The following FHIT variants were observed in gnomAD, a reference collection of about 807,000 sequenced individuals.
The protein encoded by FHIT is bis(5'-adenosyl)-triphosphatase.
In FHIT, 19 loss-of-function variants were observed where a neutral mutation model predicts 17.9. The ratio of observed to expected loss-of-function variants is 1.06; its 90% CI spans 0.74 to 1.56. The LOEUF (loss-of-function observed/expected upper bound fraction) is 1.56. Among genes scored for constraint, FHIT ranks in the 40% most tolerant of loss-of-function variants. The pLI is 0.00. For synonymous variants in FHIT, 81 were observed against 69.7 expected, an observed-to-expected ratio of 1.16 and a Z score of -0.81; for missense variants, 248 against 189.2, an observed-to-expected ratio of 1.31 and a Z score of -1.82.
intron 8 of FHIT, among the ~76,000 whole-genome samples, chr3:59,911,162 T>C (rs926993735): frequency 3.9e-5 from 6 of 152,236 alleles, no homozygotes; most frequent in African/African-American, 1.4e-4. Context: ...ACTCATTTGA[T>C]GGCTACATAG....
chr3:60,002,436 T>C (rs574503636), intron 7 of FHIT, among the ~76,000 whole-genome samples: 2 of 152,258 alleles, frequency 1.3e-5, no homozygotes, highest in African/African-American at 2.4e-5. Flanking sequence ...AACGGATCTA[T>C]TAGACAATAA....
At chr3:60,139,363 G>C (rs538017215) in intron 5 of FHIT, among the ~76,000 whole-genome samples, 2 of 143,342 alleles carry the variant, frequency 1.4e-5, no homozygotes, top group Non-Finnish European at 3.0e-5. Context: ...AAACATGACA[G>C]ACTAATTTAA....
intron 4 of FHIT, among the ~76,000 whole-genome samples, chr3:60,776,225 C>G (rs967799247): frequency 3.3e-5 from 5 of 152,166 alleles, no homozygotes; most frequent in African/African-American, 1.2e-4. Context: ...GATTCAATGT[C>G]TGCATGTTTT....
At chr3:60,493,085 G>A (rs1249824529) in intron 5 of FHIT, among the ~76,000 whole-genome samples, 3 of 152,142 alleles carry the variant, frequency 2.0e-5, no homozygotes, top group Non-Finnish European at 4.4e-5. Flanking sequence ...AGAGAAAATG[G>A]TTCTTACTTG....
intron 4 of FHIT, among the ~76,000 whole-genome samples, chr3:60,548,361 T>A (rs2107619219): frequency 6.6e-6 from 1 of 152,264 alleles, no homozygotes; most frequent in African/African-American, 2.4e-5. Flanking sequence ...TATCTGTCAT[T>A]TTCATATTAT....
intron 3 of FHIT, among the ~76,000 whole-genome samples, chr3:60,872,978 G>A (rs559602146): frequency 9.2e-5 from 14 of 152,088 alleles, no homozygotes; most frequent in East Asian, 7.7e-4. Context: ...CCTGTGCACC[G>A]GACACTCCTG....
intron 5 of FHIT, among the ~76,000 whole-genome samples, chr3:60,157,753 G>C (rs1402072649): frequency 1.3e-5 from 2 of 152,160 alleles, no homozygotes; most frequent in Non-Finnish European, 2.9e-5. Context: ...TGTTGCAAAG[G>C]AGTCTCAGGA....
chr3:61,037,477 T>C (rs1396333064), intron 3 of FHIT, among the ~76,000 whole-genome samples: 1 of 152,234 alleles, frequency 6.6e-6, no homozygotes, highest in Non-Finnish European at 1.5e-5. Flanking sequence ...TTAACAATTA[T>C]GTGTTTAATT....
chr3:60,296,308 G>A (rs771391884), intron 5 of FHIT, among the ~76,000 whole-genome samples: 14 of 152,032 alleles, frequency 9.2e-5, no homozygotes, highest in Admixed American at 5.3e-4. Flanking sequence ...AAATCAACAC[G>A]AAAGGAATCA....
chr3:60,280,044 A>AAC (rs1168025351), intron 5 of FHIT, among the ~76,000 whole-genome samples: 2 of 151,718 alleles, frequency 1.3e-5, no homozygotes, highest in African/African-American at 4.8e-5. Context: ...AAAAAAAAAA[A>AAC]AAAACAATAG....
chr3:60,396,829 A>T (rs2107174833), intron 5 of FHIT, among the ~76,000 whole-genome samples: 1 of 152,324 alleles, frequency 6.6e-6, no homozygotes, highest in African/African-American at 2.4e-5. Context: ...AAAATGAAAA[A>T]ATAGAAAGTT....
At chr3:60,772,750 T>G (rs970823568) in intron 4 of FHIT, among the ~76,000 whole-genome samples, 2 of 152,214 alleles carry the variant, frequency 1.3e-5, no homozygotes, top group African/African-American at 2.4e-5. Flanking sequence ...CTTCCCTAAT[T>G]ACTCCTGCAG....
chr3:59,817,070 T>C (rs1426895864), intron 8 of FHIT, among the ~76,000 whole-genome samples: 2 of 152,154 alleles, frequency 1.3e-5, no homozygotes, highest in Non-Finnish European at 2.9e-5. Context: ...CAGGCTGTGC[T>C]CTCCGCAGAC....
intron 8 of FHIT, among the ~76,000 whole-genome samples, chr3:59,820,778 G>T (rs1188563010): frequency 6.6e-6 from 1 of 152,142 alleles, no homozygotes; most frequent in Non-Finnish European, 1.5e-5. Context: ...AATTTAGAGT[G>T]GTGGTGGTGA....
At chr3:60,376,753 G>C (rs1389757610) in intron 5 of FHIT, among the ~76,000 whole-genome samples, 2 of 152,124 alleles carry the variant, frequency 1.3e-5, no homozygotes, top group Admixed American at 6.5e-5. Context: ...CTTTTCCAGG[G>C]ACAAATGCTC....
chr3:60,946,906 G>C lies in FHIT; in HGVS notation c.-111+95141C>G, dbSNP rs1008145639. Among the ~76,000 whole-genome samples the C allele has an allele frequency of 8.5e-5, 13 of 152,218 alleles. No individual in the cohort carries two copies. The South Asian group carries it at 1.2e-3, about 15-fold the overall frequency. On this transcript the variant is annotated intron_variant, in intron 3 of 9. Transcript: ENST00000492590. Reference sequence around the variant, plus strand: ...CCTATAAGATAGACAATAGGCACATGTACTTCTTAGCCCTTGAAACGAGGC... The same window carrying C: ...CCTATAAGATAGACAATAGGCACATCTACTTCTTAGCCCTTGAAACGAGGC...
chr3:60,148,712 C>T (rs1700340565), intron 5 of FHIT, among the ~76,000 whole-genome samples: 1 of 152,166 alleles, frequency 6.6e-6, no homozygotes, highest in South Asian at 2.1e-4. Flanking sequence ...AAGAATGTCT[C>T]TTGCAGAATT....
intron 5 of FHIT, among the ~76,000 whole-genome samples, chr3:60,216,611 G>C (rs1703710190): frequency 6.6e-6 from 1 of 152,058 alleles, no homozygotes; most frequent in Non-Finnish European, 1.5e-5. Context: ...TCTACTCTAA[G>C]CTGACTGCTT....
intron 5 of FHIT, among the ~76,000 whole-genome samples, chr3:60,532,505 A>C (rs1210833237): frequency 1.3e-5 from 2 of 152,196 alleles, no homozygotes; most frequent in Non-Finnish European, 2.9e-5. Context: ...ACAGGAATAA[A>C]ATGTTTGCTG....
Sources: allele counts gnomAD v4.1 joint callset (sites outside exome capture counted in the v4.1 genomes callset), GRCh38; gene constraint gnomAD v4.1.1; transcripts MANE v1.5; gene names NCBI Gene and HGNC (gene_info 2026-07-23, HGNC 2026-07-21).